The following NRG1 variants were observed in gnomAD, a reference collection of about 807,000 sequenced individuals.
NRG1 encodes neuregulin 1.
NRG1 carries 18 observed loss-of-function variants against 63.8 expected under a neutral mutation model. The observed-to-expected ratio is 0.28, with a 90% CI of 0.19 to 0.42. The LOEUF is 0.42. Ranked by LOEUF, NRG1 falls within the 10% of genes least tolerant of loss-of-function variation. NRG1 has a pLI of 1.00. For synonymous variants in NRG1, 302 were observed against 301.3 expected (o/e 1.00, Z -0.02); for missense variants, 762 against 814.7 (o/e 0.94, Z 0.79).
intron 1 of NRG1, among the ~76,000 whole-genome samples, chr8:32,215,724 C>G (rs1378630681): frequency 6.6e-6 from 1 of 152,118 alleles, no homozygotes. Flanking sequence ...GTTTAAATAA[C>G]CATTTCCTGG....
At chr8:31,977,030 C>T (rs760326577) in intron 1 of NRG1, among the ~76,000 whole-genome samples, 3 of 152,088 alleles carry the variant, frequency 2.0e-5, no homozygotes, top group Non-Finnish European at 2.9e-5. Flanking sequence ...GCATTAATCT[C>T]GACTACACTA....
chr8:32,359,035 G>A (rs1806856640), intron 1 of NRG1, among the ~76,000 whole-genome samples: 1 of 152,124 alleles, frequency 6.6e-6, no homozygotes, highest in South Asian at 2.1e-4. Context: ...AGATTTCAGG[G>A]AGGGTGAATA....
At chr8:31,891,180 C>A (rs547534092) in intron 1 of NRG1, among the ~76,000 whole-genome samples, 1 of 151,896 alleles carries the variant, frequency 6.6e-6, no homozygotes, top group Non-Finnish European at 1.5e-5. Context: ...AAACCTTTGC[C>A]CTGCAAAAGA....
At chr8:31,928,389 A>ACTG (rs1834582285) in intron 1 of NRG1, among the ~76,000 whole-genome samples, 1 of 148,022 alleles carries the variant, frequency 6.8e-6, no homozygotes, top group Non-Finnish European at 1.5e-5. Flanking sequence ...ATGTTTATAC[A>ACTG]CTGCTGGTGG....
At chr8:32,337,895 T>C (rs528869306) in intron 1 of NRG1, among the ~76,000 whole-genome samples, 8 of 152,144 alleles carry the variant, frequency 5.3e-5, no homozygotes, top group Non-Finnish European at 1.2e-4. Flanking sequence ...AAATGACTTA[T>C]GTGGGGTCAC....
chr8:32,509,727 T>C (rs1828945929), intron 1 of NRG1, among the ~76,000 whole-genome samples: 1 of 152,150 alleles, frequency 6.6e-6, no homozygotes, highest in Non-Finnish European at 1.5e-5. Context: ...TGGATTTAAG[T>C]CTGAGGGTCC....
At chr8:32,704,421 A>C (rs571989601) in intron 5 of NRG1, among the ~76,000 whole-genome samples, 1 of 152,348 alleles carries the variant, frequency 6.6e-6, no homozygotes, top group South Asian at 2.1e-4. Context: ...TTTGCAGAAG[A>C]CTAAGTGAAA....
chr8:31,919,758 T>G (rs533403354), intron 1 of NRG1, among the ~76,000 whole-genome samples: 127 of 152,206 alleles, frequency 8.3e-4, no homozygotes, highest in Middle Eastern at 3.4e-3. Flanking sequence ...TGATTCTTAC[T>G]CTCAAAGAGC....
chr8:32,139,231 T>C (rs2131710023), intron 1 of NRG1: 1 of 152,342 alleles, frequency 6.6e-6, no homozygotes, highest in Admixed American at 6.5e-5. Flanking sequence ...TTTCAGTCTT[T>C]ATTCAAGATC....
chr8:31,771,897 G>A (rs1361047959), intron 1 of NRG1, among the ~76,000 whole-genome samples: 2 of 152,156 alleles, frequency 1.3e-5, no homozygotes, highest in Non-Finnish European at 2.9e-5. Flanking sequence ...TGCAAAAATA[G>A]GTGTGAATGT....
At chr8:32,178,551 A>G (rs1398818400) in intron 1 of NRG1, among the ~76,000 whole-genome samples, 1 of 152,212 alleles carries the variant, frequency 6.6e-6, no homozygotes, top group Admixed American at 6.5e-5. Context: ...TGGAGGTTGC[A>G]GTGAGCCAAG....
At chr8:32,108,596 A>G (rs1278303619) in intron 1 of NRG1, among the ~76,000 whole-genome samples, 1 of 152,100 alleles carries the variant, frequency 6.6e-6, no homozygotes, top group African/African-American at 2.4e-5. Flanking sequence ...ATTACTAATC[A>G]GTTGACCTTA....
intron 1 of NRG1, among the ~76,000 whole-genome samples, chr8:31,815,329 C>T (rs754354197): frequency 5.3e-5 from 8 of 152,102 alleles, no homozygotes; most frequent in East Asian, 1.9e-4. Context: ...TTCATATAAG[C>T]GGTATCATGC....
intron 1 of NRG1, among the ~76,000 whole-genome samples, chr8:32,358,215 T>C (rs1806714382): frequency 6.6e-6 from 1 of 152,040 alleles, no homozygotes; most frequent in Non-Finnish European, 1.5e-5. Flanking sequence ...ATTGGGATGC[T>C]AGTAACTTTC....
At position 32,366,711 on chromosome 8, in the gene NRG1, A is replaced by C. The variant is rs1398183287; in HGVS notation, c.38-229117A>C. 9.7e-4 allele frequency among the ~76,000 whole-genome samples: 79 copies of C among 81,740 alleles called. 1 individual carries two copies. The highest frequency in any genetic ancestry group is 1.9e-3 in the Non-Finnish European group (71 of 37,130). 53.6% of individuals were successfully genotyped at this position (81,740 alleles called of 152,430 possible). On this transcript the variant is annotated intron_variant, in intron 1 of 10. Coordinates refer to the NRG1 transcript ENST00000519301. ...TATATATATATATATATATATATAT[A>C]TATCTCACTTTTTTTTTTGAGACAG...
chr8:32,097,140 T>C (rs1563782528), intron 1 of NRG1, among the ~76,000 whole-genome samples: 1 of 152,240 alleles, frequency 6.6e-6, no homozygotes, highest in Admixed American at 6.5e-5. Context: ...CATAATGACC[T>C]CCAATTCCAT....
chr8:32,227,090 T>C lies in NRG1; in HGVS notation c.38-368738T>C, dbSNP rs79604355. ...GCTATTTCTTCCTTTCTCCTTTTAC[T>C]CTGGAGTTTTCTTGAACTGAGCTGT... On this transcript the variant is annotated intron_variant, in intron 1 of 10. Coordinates refer to the NRG1 transcript ENST00000519301. Among the ~76,000 whole-genome samples the C allele has an allele frequency of 6.0e-4, 92 of 152,328 alleles. No individual in the cohort carries two copies. In the East Asian group the frequency reaches 9.5e-3, roughly 16 times the overall value.
In NRG1 at chr8:32,214,005, AC is replaced by A. The variant is rs375766844; in HGVS notation, c.38-381821del. ...CTGTGGGAAAGCAAATATATGGGAA[AC>A]CTATTGTAGATAAAGATTAGTTAGG... On this transcript the variant is annotated intron_variant, in intron 1 of 10. Coordinates refer to the NRG1 transcript ENST00000519301. 1.8e-4 allele frequency among the ~76,000 whole-genome samples: 27 copies of A among 152,248 alleles called. 2 individuals carry two copies. Among genetic ancestry groups the A allele is most frequent in the African/African-American group, 6.3e-4 (26 of 41,552 alleles).
chr8:32,273,796 A>G (rs2129472637), intron 1 of NRG1, among the ~76,000 whole-genome samples: 1 of 152,334 alleles, frequency 6.6e-6, no homozygotes, highest in South Asian at 2.1e-4. Flanking sequence ...ATTTAAAGTT[A>G]CTCACAGAAA....
Sources: gnomAD v4.1 joint callset for allele counts (sites outside exome capture counted in the v4.1 genomes callset) on GRCh38, gnomAD v4.1.1 for gene constraint, MANE v1.5 for transcripts, NCBI Gene and HGNC (gene_info 2026-07-23, HGNC 2026-07-21) for gene names.